The following DNM1L variants were observed in gnomAD, a reference collection of about 807,000 sequenced individuals.
DNM1L encodes the protein dynamin 1L, also known as dynamin-1-like protein.
Under a neutral mutation model 92.8 loss-of-function variants are expected in DNM1L, and 33 were observed. The ratio of observed to expected loss-of-function variants is 0.36; its 90% CI spans 0.27 to 0.48. The LOEUF is 0.48. Ranked by LOEUF, DNM1L falls within the 20% of genes least tolerant of loss-of-function variation. DNM1L has a pLI of 0.99. For synonymous variants in DNM1L, 284 were observed against 305.0 expected, an observed-to-expected ratio of 0.93 and a Z score of 0.72; for missense variants, 485 against 888.8, an observed-to-expected ratio of 0.55 and a Z score of 5.78.
At position 32,740,529 on chromosome 12, in the gene DNM1L, C is replaced by G; in HGVS notation, c.1994+11C>G. On this transcript the variant is annotated intron_variant, in intron 18 of 19. Coordinates refer to ENST00000549701, the MANE Select transcript of DNM1L (RefSeq NM_012062.5). ...GAATATTCAAGACAGGTTAGTATTA[C>G]TTAATATAAATGACGGACTTTAATA... 1 of 1,593,060 alleles carries G rather than the reference C, an allele frequency of 6.3e-7. No homozygotes were observed. Among genetic ancestry groups the G allele is most frequent in the Non-Finnish European group, 8.6e-7 (1 of 1,162,538 alleles).
intron 13 of DNM1L, 50 bp from the exon 14 acceptor site, chr12:32,737,055 A>G (rs1221937319): frequency 3.1e-6 from 5 of 1,600,300 alleles, no homozygotes; most frequent in Admixed American, 1.7e-5. Context: ...TTTAGTAGGC[A>G]TATATCTCAA....
Position 32,719,124 on chromosome 12 carries a change from A to G in DNM1L, c.740+361A>G, listed in dbSNP as rs3762105. On this transcript the variant is annotated intron_variant, in intron 7 of 19. Transcript: ENST00000549701. ...TATCACCACACCTGGCTAATTTTAA[A>G]TTTTTTTGTAGTGACAAGGTCTTGC... is the stretch of plus-strand genomic sequence containing the variant. 1.7e-4 allele frequency among the ~76,000 whole-genome samples: 26 copies of G among 151,898 alleles called. No homozygotes were observed. The East Asian group carries it at 2.5e-3, about 15-fold the overall frequency.
intron 1 of DNM1L, among the ~76,000 whole-genome samples, chr12:32,681,556 C>T (rs1414448370): frequency 2.0e-5 from 3 of 147,592 alleles, no homozygotes; most frequent in Non-Finnish European, 4.5e-5. Flanking sequence ...ACTATTTTCT[C>T]CCCACACCGC....
chr12:32,727,323 T>C lies in DNM1L; in HGVS notation c.1080-3691T>C, dbSNP rs568536486. 33 of 855,996 alleles carry C rather than the reference T, an allele frequency of 3.9e-5. No homozygotes were observed. The African/African-American group carries it at 4.5e-4, about 12-fold the overall frequency. 53.0% of individuals were successfully genotyped at this position (855,996 alleles called of 1,614,324 possible). ...TTTAACTTGCAGGTTTTTGAGAGCA[T>C]TCACTCCTCTTTTAACTACCCTAGC... On this transcript the variant is annotated intron_variant, in intron 9 of 19. Transcript: ENST00000549701.
intron 8 of DNM1L, 69 bp from the exon 9 acceptor site, chr12:32,722,358 A>G: frequency 7.5e-7 from 1 of 1,333,196 alleles, no homozygotes; most frequent in South Asian, 1.2e-5. Context: ...CATTGTAAAA[A>G]TTTGACTTGT....
chr12:32,727,474 G>A, intron 9 of DNM1L: 1 of 613,188 alleles, frequency 1.6e-6, no homozygotes, highest in Non-Finnish European at 2.9e-6. Context: ...GGAGGAGCAA[G>A]AGGCAGCACT....
intron 8 of DNM1L, 68 bp from the exon 9 acceptor site, chr12:32,722,359 T>A: frequency 7.5e-7 from 1 of 1,339,752 alleles, no homozygotes; most frequent in Admixed American, 1.8e-5. Context: ...ATTGTAAAAA[T>A]TTGACTTGTT....
chr12:32,736,067 CTTTTTTTTT>C (rs773591822), intron 13 of DNM1L, among the ~76,000 whole-genome samples: 5 of 113,046 alleles, frequency 4.4e-5, no homozygotes, highest in African/African-American at 1.1e-4. Flanking sequence ...TCTTCATAAT[CTTTTTTTTT>C]TTTTTTTTTT....
intron 1 of DNM1L, chr12:32,679,672 CG>C: frequency 1.6e-6 from 2 of 1,265,930 alleles, no homozygotes; most frequent in Non-Finnish European, 2.0e-6. Context: ...GCGGAGAATC[CG>C]GGGCCCGGCC....
chr12:32,713,384 G>A lies in DNM1L; in HGVS notation c.619+13G>A, dbSNP rs1285837974. 3 of 1,613,428 alleles carry A rather than the reference G, an allele frequency of 1.9e-6. No homozygotes were observed. The highest frequency in any genetic ancestry group is 1.7e-5 in the Admixed American group (1 of 60,000). The stretch of plus-strand genomic sequence containing the variant: ...GTAGATCCAGATGGTAAGGACAGAT[G>A]TTAATTTAATGAGATGCTTATTTTA... On this transcript the variant is annotated intron_variant, in intron 6 of 19. Coordinates refer to ENST00000549701, the MANE Select transcript of DNM1L (RefSeq NM_012062.5).
chr12:32,689,675 G>T (rs1041853574), intron 1 of DNM1L, among the ~76,000 whole-genome samples: 1 of 151,968 alleles, frequency 6.6e-6, no homozygotes, highest in Non-Finnish European at 1.5e-5. Context: ...GAATTGAGAG[G>T]TCTGCCTTAC....
intron 13 of DNM1L, among the ~76,000 whole-genome samples, chr12:32,735,403 C>A (rs2137549211): frequency 6.6e-6 from 1 of 152,234 alleles, no homozygotes; most frequent in East Asian, 1.9e-4. Context: ...GGTGAGAATT[C>A]TAGATACCGT....
At chr12:32,721,194 G>C (rs1953784895) in intron 8 of DNM1L, among the ~76,000 whole-genome samples, 1 of 152,092 alleles carries the variant, frequency 6.6e-6, no homozygotes, top group Admixed American at 6.6e-5. Context: ...CAAAGAAATA[G>C]AATGTCTTTT....
intron 6 of DNM1L, among the ~76,000 whole-genome samples, chr12:32,717,670 C>T (rs190004380): frequency 0.062 from 3,842 of 62,040 alleles, 479 homozygotes; most frequent in African/African-American, 0.11. Flanking sequence ...ATAAAAAATA[C>T]ATATACCTAG....
chr12:32,696,441 C>T (rs894272804), intron 1 of DNM1L, among the ~76,000 whole-genome samples: 11 of 151,690 alleles, frequency 7.3e-5, no homozygotes, highest in South Asian at 2.1e-4. Context: ...TGTCTACACA[C>T]GCATGCATGC....
chr12:32,694,065 C>T (rs1430938968), intron 1 of DNM1L, among the ~76,000 whole-genome samples: 2 of 151,980 alleles, frequency 1.3e-5, no homozygotes, highest in Admixed American at 1.3e-4. Flanking sequence ...TACTTTCTAG[C>T]TATAGATTTG....
At chr12:32,706,068 ATTTTT>A (rs1325244954) in intron 2 of DNM1L, 20 of 454,204 alleles carry the variant, frequency 4.4e-5, no homozygotes, top group Non-Finnish European at 7.3e-5. Flanking sequence ...AATTTATTTT[ATTTTT>A]ATTTTTGAAG....
intron 6 of DNM1L, among the ~76,000 whole-genome samples, chr12:32,714,959 C>G (rs1592616180): frequency 6.6e-6 from 1 of 152,230 alleles, no homozygotes; most frequent in South Asian, 2.1e-4. Flanking sequence ...GAGATCATGC[C>G]ATTGCACTCT....
At chr12:32,683,490 G>T (rs12319906) in intron 1 of DNM1L, among the ~76,000 whole-genome samples, 23,409 of 150,518 alleles carry the variant, frequency 0.16, 1,904 homozygotes, top group Middle Eastern at 0.22. Flanking sequence ...AGTGCTAGGA[G>T]TATAGGTGTG....
Sources: allele counts gnomAD v4.1 joint callset (sites outside exome capture counted in the v4.1 genomes callset), GRCh38; gene constraint gnomAD v4.1.1; transcripts MANE v1.5; gene names NCBI Gene and HGNC (gene_info 2026-07-23, HGNC 2026-07-21).